The following UBE2D2 variants were observed in gnomAD, a reference collection of about 807,000 sequenced individuals.
UBE2D2 encodes the protein ubiquitin-conjugating enzyme E2 D2.
In UBE2D2, 2 loss-of-function variants were observed where a neutral mutation model predicts 24.2. The ratio of observed to expected loss-of-function variants is 0.08; its 90% confidence interval spans 0.03 to 0.26. The LOEUF (loss-of-function observed/expected upper bound fraction) is 0.26. Among genes scored for constraint, UBE2D2 ranks in the 10% least tolerant of loss-of-function variants. The pLI is 1.00. For missense variants in UBE2D2, 44 were observed against 177.6 expected, an observed-to-expected ratio of 0.25 and a Z score of 4.28; for synonymous variants, 58 against 56.5, an observed-to-expected ratio of 1.03 and a Z score of -0.12.
chr5:139,545,520 G>A (rs534854836), intron 1 of UBE2D2, among the ~76,000 whole-genome samples: 6 of 151,446 alleles, frequency 4.0e-5, no homozygotes, highest in Admixed American at 6.6e-5. Context: ...TCCGCCTCCC[G>A]GGTTCAAGTA....
Position 139,627,910 on chromosome 5 carries a change from A to G in UBE2D2, c.*1109A>G, listed in dbSNP as rs1754665331. 1 of 152,700 alleles carries G rather than the reference A, an allele frequency of 6.5e-6. No individual in the cohort carries two copies. The highest frequency in any genetic ancestry group is 1.5e-5 in the Non-Finnish European group (1 of 68,052). 9.5% of individuals were successfully genotyped at this position (152,700 alleles called of 1,614,324 possible). A position where few individuals can be genotyped will look rare whatever the true frequency, so the allele number is the denominator to read the frequency against. On this transcript the variant is annotated 3_prime_UTR_variant, in exon 7 of 7. Transcript: ENST00000398733. Reference sequence around the variant, plus strand: ...ATTTCCATGAAACAACACATGCAGCATTCCAGGAACTTGATTGTTAAATTC... The same window carrying G: ...ATTTCCATGAAACAACACATGCAGCGTTCCAGGAACTTGATTGTTAAATTC...
intron 1 of UBE2D2, among the ~76,000 whole-genome samples, chr5:139,595,930 A>G (rs867787580): frequency 2.2e-4 from 26 of 115,564 alleles, no homozygotes; most frequent in African/African-American, 2.8e-4. Context: ...GTCTCACTCT[A>G]TCACCCAGGC....
chr5:139,566,596 G>C (rs527293847), intron 1 of UBE2D2, among the ~76,000 whole-genome samples: 1 of 152,220 alleles, frequency 6.6e-6, no homozygotes, highest in South Asian at 2.1e-4. Flanking sequence ...GATCTCGGGA[G>C]CCTGGGAGGT....
chr5:139,564,193 G>A (rs761247293), intron 1 of UBE2D2, among the ~76,000 whole-genome samples: 1 of 151,962 alleles, frequency 6.6e-6, no homozygotes. Flanking sequence ...CAGTCTTGTC[G>A]CCCAGGCTGG....
At chr5:139,557,262 T>C (rs1752992237), upstream of UBE2D2, among the ~76,000 whole-genome samples, 3 of 151,884 alleles carry the variant, frequency 2.0e-5, no homozygotes, top group Admixed American at 6.6e-5. Flanking sequence ...GCCTCCCAAG[T>C]AGCTGGGATT....
In UBE2D2 at chr5:139,528,682, A is replaced by C. The variant is rs191228934; in HGVS notation, c.-64+2070A>C. ...TTAGCTAATGAATGCTAGACTAACTAGATACCAAAGCTTGCTCTGTGAAAA... is the reference window on the plus strand; with the variant it reads ...TTAGCTAATGAATGCTAGACTAACTCGATACCAAAGCTTGCTCTGTGAAAA... On this transcript the variant is annotated intron_variant, in intron 1 of 6. Coordinates refer to the UBE2D2 transcript ENST00000511725. Among the ~76,000 whole-genome samples the C allele has an allele frequency of 2.1e-3, 322 of 152,370 alleles. 1 individual carries two copies. The highest frequency in any genetic ancestry group is 7.3e-3 in the African/African-American group (304 of 41,586).
rs374575061 is a variant in UBE2D2 at position 139,600,260 on chromosome 5, T to C, written c.25-112T>C. On this transcript the variant is annotated intron_variant, in intron 1 of 6. Transcript: ENST00000398733. Reference sequence around the variant, plus strand: ...CATCTCTTACTCTGAAGGAATGCTCTTAAGAGAGTTTCACCAGCAGGACAG... The same window carrying C: ...CATCTCTTACTCTGAAGGAATGCTCCTAAGAGAGTTTCACCAGCAGGACAG... The C allele has an allele frequency of 9.5e-5, 110 of 1,162,864 alleles. No individual in the cohort carries two copies. In the African/African-American group the frequency reaches 1.6e-3, roughly 17 times the overall value. The allele number at this position is 1,162,864 out of a possible 1,614,324, so 72.0% of individuals were successfully genotyped here.
intron 1 of UBE2D2, among the ~76,000 whole-genome samples, chr5:139,574,906 C>A (rs1056930875): frequency 6.6e-6 from 1 of 152,076 alleles, no homozygotes. Context: ...GCATTTTGGA[C>A]TACATAAAAG....
At chr5:139,550,758 C>T (rs1752906605) in intron 1 of UBE2D2, among the ~76,000 whole-genome samples, 3 of 151,946 alleles carry the variant, frequency 2.0e-5, no homozygotes, top group African/African-American at 7.3e-5. Context: ...GTGTAATACT[C>T]ACTGTGAAAG....
chr5:139,598,552 CTTTTTT>C (rs746165110), intron 1 of UBE2D2, among the ~76,000 whole-genome samples: 1 of 104,952 alleles, frequency 9.5e-6, no homozygotes, highest in South Asian at 3.3e-4. Flanking sequence ...ACTACAAAGC[CTTTTTT>C]TTTTTTTTTT....
At chr5:139,573,658 A>G (rs1394021623) in intron 1 of UBE2D2, among the ~76,000 whole-genome samples, 2 of 151,296 alleles carry the variant, frequency 1.3e-5, no homozygotes, top group Admixed American at 6.6e-5. Context: ...GAATCAAAGG[A>G]CTCTGCTTTC....
chr5:139,588,486 G>T (rs765401611), intron 1 of UBE2D2, among the ~76,000 whole-genome samples: 5 of 152,136 alleles, frequency 3.3e-5, no homozygotes, highest in Non-Finnish European at 7.4e-5. Context: ...TGTTGGCCAG[G>T]CTGGGCCTTG....
chr5:139,556,870 TG>T (rs797007156), upstream of UBE2D2, among the ~76,000 whole-genome samples: 38 of 152,216 alleles, frequency 2.5e-4, 1 homozygote, highest in African/African-American at 8.7e-4. Flanking sequence ...AGTCTTGCTT[TG>T]TCGCCCAGGC....
intron 1 of UBE2D2, among the ~76,000 whole-genome samples, chr5:139,592,747 C>T (rs1753870435): frequency 6.6e-6 from 1 of 151,148 alleles, no homozygotes; most frequent in Non-Finnish European, 1.5e-5. Flanking sequence ...GGACTACAGG[C>T]ACGTGCCACG....
intron 1 of UBE2D2, among the ~76,000 whole-genome samples, chr5:139,533,107 CAA>C (rs113333733): frequency 1.1e-4 from 13 of 122,352 alleles, no homozygotes; most frequent in Admixed American, 1.7e-4. Flanking sequence ...GACTCCATCT[CAA>C]AAAAAAAAAA....
intron 2 of UBE2D2, among the ~76,000 whole-genome samples, chr5:139,606,925 C>A (rs1754212316): frequency 6.6e-6 from 1 of 152,160 alleles, no homozygotes; most frequent in Non-Finnish European, 1.5e-5. Flanking sequence ...CTGCCTCAGC[C>A]TCCCAAGTAG....
At chr5:139,608,185 A>G (rs1003122860) in intron 2 of UBE2D2, among the ~76,000 whole-genome samples, 29 of 151,990 alleles carry the variant, frequency 1.9e-4, no homozygotes, top group African/African-American at 6.5e-4. Flanking sequence ...TAATCCTAGC[A>G]CTTTGGGAGA....
At chr5:139,547,751 A>G (rs1752852948) in intron 1 of UBE2D2, among the ~76,000 whole-genome samples, 4 of 151,320 alleles carry the variant, frequency 2.6e-5, no homozygotes, top group Admixed American at 2.6e-4. Context: ...CTGGAGTGCA[A>G]TGGTGTGATC....
At position 139,588,974 on chromosome 5, in the gene UBE2D2, T is replaced by C. The variant is rs183368832; in HGVS notation, c.25-11398T>C. Reference sequence around the variant, plus strand: ...ATGCCCAGCTGATTTTTAAATGTTTTGTAGAGACAAGGTCTCCCTATGTTG... The same window carrying C: ...ATGCCCAGCTGATTTTTAAATGTTTCGTAGAGACAAGGTCTCCCTATGTTG... On this transcript the variant is annotated intron_variant, in intron 1 of 6. Coordinates refer to ENST00000398733, the MANE Select transcript of UBE2D2 (RefSeq NM_003339.3). Among the ~76,000 whole-genome samples the C allele has an allele frequency of 5.9e-5, 9 of 152,288 alleles. No homozygotes were observed. The East Asian group carries it at 1.2e-3, about 20-fold the overall frequency.
Sources: allele counts gnomAD v4.1 joint callset (sites outside exome capture counted in the v4.1 genomes callset), GRCh38; gene constraint gnomAD v4.1.1; transcripts MANE v1.5; gene names NCBI Gene and HGNC (gene_info 2026-07-23, HGNC 2026-07-21).